NRG3: variants seen among roughly 807,000 people sequenced by gnomAD.
NRG3 encodes the protein pro-neuregulin-3, membrane-bound isoform.
A neutral mutation model predicts 66.9 loss-of-function variants in NRG3; 31 were observed. That is an observed-to-expected ratio of 0.46 (90% CI 0.35 to 0.63). The LOEUF (loss-of-function observed/expected upper bound fraction) is 0.63, where lower values mean the gene tolerates loss of function less well. NRG3 is among the 20% of genes least tolerant of loss of function. The pLI is 0.00. For synonymous variants in NRG3, 393 were observed against 359.4 expected, an observed-to-expected ratio of 1.09 and a Z score of -1.06; for missense variants, 910 against 878.9, an observed-to-expected ratio of 1.04 and a Z score of -0.45.
chr10:82,277,652 T>C (rs1215797930), intron 1 of NRG3, among the ~76,000 whole-genome samples: 1 of 152,082 alleles, frequency 6.6e-6, no homozygotes, highest in East Asian at 1.9e-4. Flanking sequence ...TGTTGGAGAA[T>C]ATTGTATCCT....
chr10:81,941,133 C>A (rs1307885140), intron 1 of NRG3, among the ~76,000 whole-genome samples: 3 of 152,096 alleles, frequency 2.0e-5, no homozygotes, highest in African/African-American at 7.2e-5. Flanking sequence ...GTTACATACC[C>A]TATTAACAGC....
intron 3 of NRG3, among the ~76,000 whole-genome samples, chr10:82,749,497 C>T (rs2058775916): frequency 6.6e-6 from 1 of 152,226 alleles, no homozygotes; most frequent in Admixed American, 6.5e-5. Flanking sequence ...TCTTATCACT[C>T]CTATAAGGTG....
At chr10:82,110,310 A>AT in intron 1 of NRG3, among the ~76,000 whole-genome samples, 1 of 152,266 alleles carries the variant, frequency 6.6e-6, no homozygotes, top group South Asian at 2.1e-4. Context: ...TGGAGTGAAC[A>AT]TGGGTGGGTG....
At chr10:82,234,866 G>A (rs1037230908) in intron 1 of NRG3, among the ~76,000 whole-genome samples, 1 of 152,178 alleles carries the variant, frequency 6.6e-6, no homozygotes, top group Non-Finnish European at 1.5e-5. Context: ...GCTATGCAGC[G>A]GGTCTCCACT....
intron 2 of NRG3, among the ~76,000 whole-genome samples, chr10:82,640,593 C>A (rs887580948): frequency 6.6e-6 from 1 of 152,150 alleles, no homozygotes; most frequent in Non-Finnish European, 1.5e-5. Context: ...AAGGACACCT[C>A]TTCTCCATTT....
At chr10:82,564,702 C>A (rs2045280087) in intron 2 of NRG3, among the ~76,000 whole-genome samples, 1 of 151,968 alleles carries the variant, frequency 6.6e-6, no homozygotes, top group Non-Finnish European at 1.5e-5. Context: ...ACAATAGGAT[C>A]CTGTTGTGCT....
chr10:82,358,722 T>C lies in NRG3; in HGVS notation c.824-17T>C. On this transcript the variant is annotated splice_polypyrimidine_tract_variant and intron_variant, in intron 1 of 8. Coordinates refer to ENST00000372141, the MANE Select transcript of NRG3 (RefSeq NM_001010848.4). ...ATGTACTGCTGACAGCGTTTCCCCC[T>C]GTGCTTTCCCTGACAGATACGACGA... 1 of 1,614,006 alleles carries C rather than the reference T, an allele frequency of 6.2e-7. No individual in the cohort carries two copies. Among genetic ancestry groups the C allele is most frequent in the Non-Finnish European group, 8.5e-7 (1 of 1,179,932 alleles).
chr10:81,927,240 T>C (rs1846895217), intron 1 of NRG3, among the ~76,000 whole-genome samples: 1 of 152,200 alleles, frequency 6.6e-6, no homozygotes, highest in African/African-American at 2.4e-5. Context: ...CGCCAAATTA[T>C]TTTTTCTGTT....
chr10:82,375,208 G>A (rs1437980712), intron 2 of NRG3, among the ~76,000 whole-genome samples: 1 of 152,130 alleles, frequency 6.6e-6, no homozygotes, highest in African/African-American at 2.4e-5. Flanking sequence ...CAGGACTTAA[G>A]TTCATCTAGG....
intron 4 of NRG3, among the ~76,000 whole-genome samples, chr10:82,870,889 C>G (rs1210051351): frequency 1.3e-5 from 2 of 152,102 alleles, no homozygotes; most frequent in Non-Finnish European, 2.9e-5. Flanking sequence ...ATTCTCTTGA[C>G]AGTATGCTTT....
chr10:82,985,009 G>A (rs1417253318), intron 8 of NRG3, 89 bp from the exon 9 acceptor site: 18 of 1,462,644 alleles, frequency 1.2e-5, no homozygotes, highest in Admixed American at 5.3e-5. Context: ...CAGTGAGATG[G>A]TGCATGTGAA....
chr10:82,770,770 T>C (rs1166478334), intron 3 of NRG3, among the ~76,000 whole-genome samples: 8 of 152,136 alleles, frequency 5.3e-5, no homozygotes, highest in African/African-American at 1.7e-4. Context: ...AGGAAACTCA[T>C]TGTCCTCCTT....
At position 82,480,589 on chromosome 10, in the gene NRG3, A is replaced by AT. The variant is rs561326162; in HGVS notation, c.953+121724dup. On this transcript the variant is annotated intron_variant, in intron 2 of 8. Coordinates refer to ENST00000372141, the MANE Select transcript of NRG3 (RefSeq NM_001010848.4). Reference sequence around the variant, plus strand: ...AGTGGTATATGAGAATCATTTTCTCATTTACATTACATATTGGCATCTATT... The same window carrying AT: ...AGTGGTATATGAGAATCATTTTCTCATTTTACATTACATATTGGCATCTATT... 5.9e-5 allele frequency among the ~76,000 whole-genome samples: 9 copies of AT among 152,234 alleles called. No homozygotes were observed. In the South Asian group the frequency reaches 1.9e-3, roughly 32 times the overall value.
chr10:82,656,770 A>T (rs1386551653), intron 2 of NRG3, among the ~76,000 whole-genome samples: 2 of 152,208 alleles, frequency 1.3e-5, no homozygotes, highest in African/African-American at 2.4e-5. Flanking sequence ...ACATTAAGAC[A>T]TGCCCCCTCT....
intron 1 of NRG3, among the ~76,000 whole-genome samples, chr10:82,018,965 A>G (rs538030991): frequency 5.9e-5 from 9 of 152,230 alleles, no homozygotes; most frequent in East Asian, 5.8e-4. Context: ...AGAACTTCCA[A>G]CACTATATTG....
Position 82,546,728 on chromosome 10 carries a change from T to A in NRG3, c.953+187860T>A, listed in dbSNP as rs1315161247. On this transcript the variant is annotated intron_variant, in intron 2 of 8. Transcript: ENST00000372141. ...TTCACTTAACTTTTCCACTCATATATCATGCATGTGTAAATCATCTCTAAC... is the reference window on the plus strand; with the variant it reads ...TTCACTTAACTTTTCCACTCATATAACATGCATGTGTAAATCATCTCTAAC... Among the ~76,000 whole-genome samples, 3 of 152,196 alleles carry A rather than the reference T, an allele frequency of 2.0e-5. No individual in the cohort carries two copies. The East Asian group carries it at 5.8e-4, about 29-fold the overall frequency.
intron 1 of NRG3, among the ~76,000 whole-genome samples, chr10:82,225,112 A>G (rs1303735243): frequency 3.3e-5 from 5 of 152,116 alleles, no homozygotes; most frequent in South Asian, 2.1e-4. Context: ...AAAAAATGCA[A>G]TTATGTAGGA....
intron 2 of NRG3, among the ~76,000 whole-genome samples, chr10:82,630,676 C>CAA (rs376169434): frequency 7.5e-6 from 1 of 132,594 alleles, no homozygotes; most frequent in African/African-American, 2.8e-5. Flanking sequence ...GAAACTCTGT[C>CAA]AAAAAAAAAA....
chr10:82,314,461 T>TAA (rs972282595), intron 1 of NRG3, among the ~76,000 whole-genome samples: 1 of 149,588 alleles, frequency 6.7e-6, no homozygotes, highest in African/African-American at 2.5e-5. Flanking sequence ...ATTTAAAATT[T>TAA]AAAAAAAAAA....
Sources: gnomAD v4.1 joint callset for allele counts (sites outside exome capture counted in the v4.1 genomes callset) on GRCh38, gnomAD v4.1.1 for gene constraint, MANE v1.5 for transcripts, NCBI Gene and HGNC (gene_info 2026-07-23, HGNC 2026-07-21) for gene names.